BTNL9: variants seen among roughly 807,000 people sequenced by gnomAD.
The protein encoded by BTNL9 is butyrophilin like 9.
In BTNL9, 45 loss-of-function variants were observed where a neutral mutation model predicts 45.8. The ratio of observed to expected loss-of-function variants is 0.98; its 90% CI spans 0.77 to 1.26. The LOEUF (loss-of-function observed/expected upper bound fraction) is 1.26. Ranked by LOEUF, BTNL9 falls within the 50% of genes most tolerant of loss-of-function variation. The pLI is 0.00. For missense variants in BTNL9, 784 were observed against 729.7 expected, an observed-to-expected ratio of 1.07 and a Z score of -0.86; for synonymous variants, 346 against 330.8, an observed-to-expected ratio of 1.05 and a Z score of -0.50.
At position 181,053,895 on chromosome 5, in the gene BTNL9, C is replaced by T; in HGVS notation, c.887-344C>T. The T allele has an allele frequency of 2.7e-6, 4 of 1,504,682 alleles. No individual in the cohort carries two copies. Among genetic ancestry groups the T allele is most frequent in the South Asian group, 1.2e-5 (1 of 82,912 alleles). The allele number at this position is 1,504,682 out of a possible 1,614,324, so 93.2% of individuals were successfully genotyped here. On this transcript the variant is annotated intron_variant, in intron 6 of 10. Coordinates refer to ENST00000327705, the MANE Select transcript of BTNL9 (RefSeq NM_152547.5). The surrounding 1 kb of genome is among the most constrained non-coding windows in gnomAD (Gnocchi z 6.5). Reference sequence around the variant, plus strand: ...ATCTCCGCACAGGGTCAGGAAGCGGCGGTCAGGCACCGAGAAAACAGCCCA... The same window carrying T: ...ATCTCCGCACAGGGTCAGGAAGCGGTGGTCAGGCACCGAGAAAACAGCCCA...
intron 10 of BTNL9, 106 bp from the exon 11 acceptor site, chr5:181,059,131 C>T (rs915332856): frequency 2.3e-5 from 32 of 1,404,178 alleles, no homozygotes; most frequent in South Asian, 1.4e-4. Flanking sequence ...GGGTTCATTT[C>T]CTCGATTATT....
In BTNL9 at chr5:181,050,261, A is replaced by G. The variant is rs1761461665; in HGVS notation, c.628A>G (p.Ser210Gly). 2.5e-6 allele frequency: 4 copies of G among 1,614,146 alleles called. No homozygotes were observed. Among genetic ancestry groups the G allele is most frequent in the Non-Finnish European group, 3.4e-6 (4 of 1,180,030 alleles). The change falls in exon 4 of 11, where the codon AGT becomes GGT. Residue 210 changes from serine to glycine, a missense_variant. Coordinates refer to ENST00000327705, the MANE Select transcript of BTNL9 (RefSeq NM_152547.5). The surrounding 1 kb of genome is among the most constrained non-coding windows in gnomAD (Gnocchi z 4.9). Reference sequence around the variant, plus strand: ...CGTCTGGGATGCCCAGGACCTGTTCAGTCTGGAAACATCTGTGGTTGTCCG... The same window carrying G: ...CGTCTGGGATGCCCAGGACCTGTTCGGTCTGGAAACATCTGTGGTTGTCCG... ...AIVWDAQDLFSLETSVVVRAG... is the reference protein window; with the variant it reads ...AIVWDAQDLFGLETSVVVRAG...
At chr5:181,043,280 ATGTG>A (rs1225961202) in intron 1 of BTNL9, 4 of 146,108 alleles carry the variant, frequency 2.7e-5, no homozygotes, top group African/African-American at 1.0e-4. Flanking sequence ...GTGTGTGTGC[ATGTG>A]TGTGTGTCTG....
chr5:181,054,549 A>G, intron 7 of BTNL9: 1 of 985,456 alleles, frequency 1.0e-6, no homozygotes, highest in Non-Finnish European at 1.2e-6. Context: ...TTCTTAAAAT[A>G]TCCTTTTCTT....
At chr5:181,043,266 C>CTATG (rs139144946) in intron 1 of BTNL9, 7 of 151,618 alleles carry the variant, frequency 4.6e-5, no homozygotes, top group Non-Finnish European at 8.8e-5. Flanking sequence ...ATGGGTGTGT[C>CTATG]TGTGTGTGTG....
At chr5:181,044,221 G>C (rs1760964857) in intron 1 of BTNL9, among the ~76,000 whole-genome samples, 1 of 152,194 alleles carries the variant, frequency 6.6e-6, no homozygotes, top group South Asian at 2.1e-4. Flanking sequence ...TTCTGCCTCT[G>C]CATGGCCCAG....
intron 2 of BTNL9, 56 bp downstream of exon 2, chr5:181,045,654 T>G (rs1582118645): frequency 1.4e-6 from 2 of 1,387,002 alleles, no homozygotes; most frequent in East Asian, 4.6e-5. Context: ...TCCTGCCAGG[T>G]GCTCCCCAGG....
chr5:181,045,463 C>G lies in BTNL9; in HGVS notation c.-23-4C>G, dbSNP rs775702530. 7 of 1,498,672 alleles carry G rather than the reference C, an allele frequency of 4.7e-6. No homozygotes were observed. The highest frequency in any genetic ancestry group is 1.1e-5 in the South Asian group (1 of 89,196). The allele number at this position is 1,498,672 out of a possible 1,614,324, so 92.8% of individuals were successfully genotyped here. On this transcript the variant is annotated splice_region_variant and splice_polypyrimidine_tract_variant and intron_variant, in intron 1 of 10. Transcript: ENST00000327705. ...CGCTCCAGCACCCCTTTGTCCCTCTCCAGGTGGCCCCCACTGCTGACGAGA... is the reference window on the plus strand; with the variant it reads ...CGCTCCAGCACCCCTTTGTCCCTCTGCAGGTGGCCCCCACTGCTGACGAGA...
intron 7 of BTNL9, 33 bp downstream of exon 7, chr5:181,054,292 T>C (rs1761758842): frequency 6.2e-7 from 1 of 1,610,162 alleles, no homozygotes; most frequent in African/African-American, 1.3e-5. Context: ...CAGTGCTGCC[T>C]GTCAGCCGGA....
In BTNL9 at chr5:181,055,375, G is replaced by A; in HGVS notation, c.908-58G>A. 6.2e-7 allele frequency: 1 copy of A among 1,614,036 alleles called. No homozygotes were observed. Among genetic ancestry groups the A allele is most frequent in the Non-Finnish European group, 8.5e-7 (1 of 1,179,974 alleles). ...GAAGCTCTTCCCAGTGGCCTGTCTT[G>A]GGAAGATGGTTCCACCCACCTGCAG... On this transcript the variant is annotated intron_variant, in intron 7 of 10. Transcript: ENST00000327705. This position sits in a 1 kb window ranked among gnomAD's most constrained non-coding sequence, Gnocchi z 4.4.
At chr5:181,056,692 C>T (rs954282321) in intron 9 of BTNL9, 5 of 703,086 alleles carry the variant, frequency 7.1e-6, no homozygotes, top group East Asian at 2.7e-5. Context: ...ACTGCTGGCC[C>T]ATGGTGGGTA....
At position 181,055,046 on chromosome 5, in the gene BTNL9, C is replaced by T. The variant is rs1040064570; in HGVS notation, c.908-387C>T. 1.0e-6 allele frequency: 1 copy of T among 985,444 alleles called. No individual in the cohort carries two copies. The highest frequency in any genetic ancestry group is 1.2e-6 in the Non-Finnish European group (1 of 829,930). The allele number at this position is 985,444 out of a possible 1,614,324, so 61.0% of individuals were successfully genotyped here. ...TGTCCTTCCAGTCCTTCAGATAACG[C>T]ACCCGGTGAGTGACCGTGAGGCTCA... On this transcript the variant is annotated intron_variant, in intron 7 of 10. Transcript: ENST00000327705. This position sits in a 1 kb window ranked among gnomAD's most constrained non-coding sequence, Gnocchi z 4.4.
intron 7 of BTNL9, chr5:181,054,751 G>A (rs372756813): frequency 3.0e-6 from 3 of 984,850 alleles, no homozygotes; most frequent in Non-Finnish European, 3.6e-6. Flanking sequence ...TGTTGGGGTT[G>A]GGGGGGCAAT....
chr5:181,058,454 G>T, intron 10 of BTNL9, 76 bp downstream of exon 10: 1 of 1,604,260 alleles, frequency 6.2e-7, no homozygotes, highest in Non-Finnish European at 8.5e-7. Context: ...AGAGATCTGA[G>T]ATTAGAGGAC....
intron 3 of BTNL9, among the ~76,000 whole-genome samples, chr5:181,048,719 A>G (rs1289198317): frequency 1.8e-5 from 2 of 114,128 alleles, no homozygotes; most frequent in Non-Finnish European, 3.5e-5. Flanking sequence ...TGAAATATAT[A>G]TATATATCTA....
chr5:181,048,801 T>A lies in BTNL9; in HGVS notation c.454+530T>A, dbSNP rs867892468. On this transcript the variant is annotated intron_variant, in intron 3 of 10. Transcript: ENST00000327705. ...TATATATTAATTATATAGTTATATA[T>A]TATATAATTATATTAGTTATATAAT... is the stretch of plus-strand genomic sequence containing the variant. Among the ~76,000 whole-genome samples, 33 of 34,922 alleles carry A rather than the reference T, an allele frequency of 9.4e-4. 3 individuals are homozygous for A. The highest frequency in any genetic ancestry group is 4.5e-3 in the African/African-American group (31 of 6,886). The allele number at this position is 34,922 out of a possible 152,430, so 22.9% of individuals were successfully genotyped here.
chr5:181,056,451 C>G (rs1170829238), intron 9 of BTNL9: 2 of 682,496 alleles, frequency 2.9e-6, no homozygotes, highest in African/African-American at 1.8e-5. Context: ...CTGTGATGTT[C>G]CTTGCTTTTC....
chr5:181,058,077 C>G (rs1315045284), intron 9 of BTNL9, among the ~76,000 whole-genome samples: 2 of 152,202 alleles, frequency 1.3e-5, no homozygotes, highest in Non-Finnish European at 2.9e-5. Flanking sequence ...TATAGAGTCT[C>G]TTTACCTACA....
At chr5:181,054,101 G>A in intron 6 of BTNL9, 138 bp from the exon 7 acceptor site, 1 of 1,553,916 alleles carries the variant, frequency 6.4e-7, no homozygotes, top group Non-Finnish European at 8.7e-7. Flanking sequence ...AGCCCAGCCT[G>A]GGCCCGCAGA....
Sources: allele counts gnomAD v4.1 joint callset (sites outside exome capture counted in the v4.1 genomes callset), GRCh38; gene constraint gnomAD v4.1.1; non-coding constraint Gnocchi (gnomAD v3.1); transcripts MANE v1.5; gene names NCBI Gene and HGNC (gene_info 2026-07-23, HGNC 2026-07-21).